Variants in RNF19A observed in about 807,000 individuals in gnomAD.
RNF19A encodes ring finger protein 19A, RBR E3 ubiquitin protein ligase, also known as E3 ubiquitin-protein ligase RNF19A.
RNF19A carries 32 observed loss-of-function variants against 75.7 expected under a neutral mutation model. The observed-to-expected ratio is 0.42, with a 90% CI of 0.32 to 0.57. The LOEUF (loss-of-function observed/expected upper bound fraction) is 0.57. Among genes scored for constraint, RNF19A ranks in the 20% least tolerant of loss-of-function variants. The probability of loss-of-function intolerance (pLI) is 0.10; values close to 1 mark genes in which losing one functional copy is unlikely to be tolerated. For missense variants in RNF19A, 782 were observed against 1,036.3 expected (o/e 0.75, Z 3.37); for synonymous variants, 335 against 345.2 (o/e 0.97, Z 0.33).
chr8:100,292,433 T>TGGGGGG (rs150468171), intron 1 of RNF19A, among the ~76,000 whole-genome samples: 16 of 140,730 alleles, frequency 1.1e-4, no homozygotes, highest in African/African-American at 3.6e-4. Flanking sequence ...TGCTATCATA[T>TGGGGGG]GGGTGTGTGT....
rs1032916925 is a variant in RNF19A, at chr8:100,259,459, C to T, written c.1827-213G>A. Among the ~76,000 whole-genome samples, 2 of 152,138 alleles carry T rather than the reference C, an allele frequency of 1.3e-5. No homozygotes were observed. The highest frequency in any genetic ancestry group is 2.9e-5 in the Non-Finnish European group (2 of 68,020). ...AAAATAGTGGTGGACACATTTATTG[C>T]TTATGCTGTTCTAGACACTATGCTA... On this transcript the variant is annotated intron_variant, in intron 9 of 9. Coordinates refer to ENST00000341084, the MANE Select transcript of RNF19A (RefSeq NM_183419.4). This position sits in a 1 kb window ranked among gnomAD's most constrained non-coding sequence, Gnocchi z 4.5.
intron 1 of RNF19A, among the ~76,000 whole-genome samples, chr8:100,290,425 T>C (rs749355285): frequency 2.0e-5 from 3 of 152,158 alleles, no homozygotes; most frequent in Non-Finnish European, 4.4e-5. Context: ...ATGTGCAGTA[T>C]GCATAGTGGT....
Position 100,260,022 on chromosome 8 carries a change from A to G in RNF19A, c.1683-25T>C. The G allele has an allele frequency of 6.2e-7, 1 of 1,602,182 alleles. No homozygotes were observed. The highest frequency in any genetic ancestry group is 1.7e-5 in the Admixed American group (1 of 59,610). ...CCTTAAAGGGGGGTATGAAATCACC[A>G]AAATTATATTTAATATCAGCACTAC... On this transcript the variant is annotated intron_variant, in intron 8 of 9. Transcript: ENST00000341084. This position sits in a 1 kb window ranked among gnomAD's most constrained non-coding sequence, Gnocchi z 4.1.
intron 2 of RNF19A, among the ~76,000 whole-genome samples, chr8:100,283,603 A>T (rs1039234502): frequency 5.9e-5 from 9 of 152,176 alleles, no homozygotes; most frequent in African/African-American, 2.2e-4. Context: ...AAACCCCAAG[A>T]GATCTTAAAT....
Position 100,264,244 on chromosome 8 carries a change from TCA to T in RNF19A, c.1307-51_1307-50del. On this transcript the variant is annotated intron_variant, in intron 6 of 9. Transcript: ENST00000341084. This position sits in a 1 kb window ranked among gnomAD's most constrained non-coding sequence, Gnocchi z 4.7. ...TTACAAACAACAACAACAAAATAAC[TCA>T]CAGAAACATGAGTTTTAGAAAGTCT... The T allele has an allele frequency of 6.9e-7, 1 of 1,454,424 alleles. No individual in the cohort carries two copies. Among genetic ancestry groups the T allele is most frequent in the Non-Finnish European group, 9.4e-7 (1 of 1,062,924 alleles). 90.1% of individuals were successfully genotyped at this position (1,454,424 alleles called of 1,614,324 possible). A position where few individuals can be genotyped will look rare whatever the true frequency, so the allele number is the denominator to read the frequency against.
Position 100,275,688 on chromosome 8 carries a change from T to C in RNF19A, c.675-527A>G, listed in dbSNP as rs1474822149. On this transcript the variant is annotated intron_variant, in intron 2 of 9. Transcript: ENST00000341084. The surrounding 1 kb of genome is among the most constrained non-coding windows in gnomAD (Gnocchi z 4.3). ...GGAAAAACACCAAAAATCTTAATAA[T>C]GGTTTTCTTGGTATTGGGTTTTAAT... is the stretch of plus-strand genomic sequence containing the variant. Among the ~76,000 whole-genome samples, 6 of 152,298 alleles carry C rather than the reference T, an allele frequency of 3.9e-5. No individual in the cohort carries two copies. In the East Asian group the frequency reaches 9.6e-4, roughly 24 times the overall value.
chr8:100,286,145 T>A (rs1821007198), intron 2 of RNF19A, among the ~76,000 whole-genome samples: 1 of 152,172 alleles, frequency 6.6e-6, no homozygotes, highest in South Asian at 2.1e-4. Flanking sequence ...TAAGCTGTTT[T>A]TCTGTCAGAA....
rs141399519 is a variant in RNF19A at position 100,270,070 on chromosome 8, C to G, written c.884-57G>C. The G allele has an allele frequency of 5.2e-4, 716 of 1,388,072 alleles. 4 individuals are homozygous for G. The African/African-American group carries it at 8.9e-3, about 17-fold the overall frequency. The allele number at this position is 1,388,072 out of a possible 1,614,324, so 86.0% of individuals were successfully genotyped here. A position where few individuals can be genotyped will look rare whatever the true frequency, so the allele number is the denominator to read the frequency against. ...CATAAAACTGGTCTAAAAATAACTT[C>G]TAGCAGTTTACCAATTGTAGCACTG... On this transcript the variant is annotated intron_variant, in intron 3 of 9. Coordinates refer to ENST00000341084, the MANE Select transcript of RNF19A (RefSeq NM_183419.4).
At chr8:100,274,048 GTGCTGGGA>G (rs1301270171) in intron 3 of RNF19A, among the ~76,000 whole-genome samples, 3 of 152,182 alleles carry the variant, frequency 2.0e-5, no homozygotes, top group African/African-American at 7.2e-5. Flanking sequence ...GACTCCCAGA[GTGCTGGGA>G]TTACAGGCAT....
In RNF19A at chr8:100,322,183, G is replaced by A. The variant is rs565447144; in HGVS notation, c.-242-8811C>T. 6.6e-6 allele frequency among the ~76,000 whole-genome samples: 1 copy of A among 152,262 alleles called. No homozygotes were observed. The highest frequency in any genetic ancestry group is 2.1e-4 in the South Asian group (1 of 4,824). ...TTCTCCTCTCTATGAAGTCCAAATG[G>A]CATCTTCTTCCTATATGAGTCTGTT... On this transcript the variant is annotated intron_variant, in intron 1 of 3. Coordinates refer to the RNF19A transcript ENST00000519527. This position sits in a 1 kb window ranked among gnomAD's most constrained non-coding sequence, Gnocchi z 5.1.
In RNF19A at chr8:100,264,886, A is replaced by C; in HGVS notation, c.1192-101T>G. On this transcript the variant is annotated intron_variant, in intron 5 of 9. Transcript: ENST00000341084. This position sits in a 1 kb window ranked among gnomAD's most constrained non-coding sequence, Gnocchi z 4.7. ...TACTTGCTAAAGTGATTTTTCATAG[A>C]AGTTCGTAGCTGAGTATCTTAGTTC... is the stretch of plus-strand genomic sequence containing the variant. 1 of 852,388 alleles carries C rather than the reference A, an allele frequency of 1.2e-6. No homozygotes were observed. The highest frequency in any genetic ancestry group is 1.9e-6 in the Non-Finnish European group (1 of 524,804). 52.8% of individuals were successfully genotyped at this position (852,388 alleles called of 1,614,324 possible). A position where few individuals can be genotyped will look rare whatever the true frequency, so the allele number is the denominator to read the frequency against.
chr8:100,316,836 G>T (rs1822385963), intron 1 of RNF19A, among the ~76,000 whole-genome samples: 1 of 152,192 alleles, frequency 6.6e-6, no homozygotes, highest in Non-Finnish European at 1.5e-5. Flanking sequence ...TGGTGCTCCT[G>T]GGGGAGGCTC....
intron 1 of RNF19A, among the ~76,000 whole-genome samples, chr8:100,306,360 T>C (rs1270967909): frequency 1.3e-5 from 2 of 152,184 alleles, no homozygotes; most frequent in East Asian, 3.8e-4. Context: ...AACAAAACCT[T>C]TCCTAATAGG....
chr8:100,278,798 A>T (rs552982573), intron 2 of RNF19A, among the ~76,000 whole-genome samples: 53 of 152,060 alleles, frequency 3.5e-4, no homozygotes, highest in South Asian at 8.3e-4. Flanking sequence ...ATTAAGTTTT[A>T]AAAAAAAGTA....
chr8:100,264,563 G>C lies in RNF19A; in HGVS notation c.1306+108C>G. The C allele has an allele frequency of 1.4e-6, 1 of 732,152 alleles. No homozygotes were observed. Among genetic ancestry groups the C allele is most frequent in the South Asian group, 1.8e-5 (1 of 56,392 alleles). 45.4% of individuals were successfully genotyped at this position (732,152 alleles called of 1,614,324 possible). ...TACTTTCAACCAAGACTTACTGCAG[G>C]CTCAATTTAAATTGTCCTCAAATTA... On this transcript the variant is annotated intron_variant, in intron 6 of 9. Coordinates refer to ENST00000341084, the MANE Select transcript of RNF19A (RefSeq NM_183419.4). The surrounding 1 kb of genome is among the most constrained non-coding windows in gnomAD (Gnocchi z 4.7).
At chr8:100,266,843 T>C (rs1820005377) in intron 5 of RNF19A, among the ~76,000 whole-genome samples, 1 of 152,184 alleles carries the variant, frequency 6.6e-6, no homozygotes, top group African/African-American at 2.4e-5. Context: ...GTTTACTCAC[T>C]TAAAACCTTC....
Position 100,322,632 on chromosome 8 carries a change from A to G in RNF19A, c.-242-9260T>C, listed in dbSNP as rs1376435101. Among the ~76,000 whole-genome samples, 1 of 152,250 alleles carries G rather than the reference A, an allele frequency of 6.6e-6. No individual in the cohort carries two copies. The highest frequency in any genetic ancestry group is 1.5e-5 in the Non-Finnish European group (1 of 68,050). ...GCATAAGAGGCCTAGCTTTCAGCCT[A>G]TCTCAGCTTTTGGCCTGCCTTCCTC... On this transcript the variant is annotated intron_variant, in intron 1 of 3. Transcript: ENST00000519527. The surrounding 1 kb of genome is among the most constrained non-coding windows in gnomAD (Gnocchi z 5.1).
intron 1 of RNF19A, among the ~76,000 whole-genome samples, chr8:100,299,268 T>G (rs1821712851): frequency 6.6e-6 from 1 of 152,228 alleles, no homozygotes; most frequent in Non-Finnish European, 1.5e-5. Context: ...ATAGGCAGTT[T>G]TAATATACAG....
In RNF19A at chr8:100,284,587, G is replaced by GTC. The variant is rs1368820912; in HGVS notation, c.674+2912_674+2913dup. On this transcript the variant is annotated intron_variant, in intron 2 of 9. Coordinates refer to ENST00000341084, the MANE Select transcript of RNF19A (RefSeq NM_183419.4). This position sits in a 1 kb window ranked among gnomAD's most constrained non-coding sequence, Gnocchi z 4.3. Reference sequence around the variant, plus strand: ...ACGTGGTTGTTTTCATAGTAACAGAGTCTAGTAAAGCAAGTGTTTCTATTA... The same window carrying GTC: ...ACGTGGTTGTTTTCATAGTAACAGAGTCTCTAGTAAAGCAAGTGTTTCTATTA... 2.6e-5 allele frequency among the ~76,000 whole-genome samples: 4 copies of GTC among 151,982 alleles called. No individual in the cohort carries two copies. The highest frequency in any genetic ancestry group is 6.6e-5 in the Admixed American group (1 of 15,256).
Sources: allele counts gnomAD v4.1 joint callset (sites outside exome capture counted in the v4.1 genomes callset), GRCh38; gene constraint gnomAD v4.1.1; non-coding constraint Gnocchi (gnomAD v3.1); transcripts MANE v1.5; gene names NCBI Gene and HGNC (gene_info 2026-07-23, HGNC 2026-07-21).